Variants in RBMS3 observed in about 807,000 individuals in gnomAD.
RBMS3 encodes the protein RNA-binding motif, single-stranded-interacting protein 3.
In RBMS3, 27 loss-of-function variants were observed where a neutral mutation model predicts 66.8. The ratio of observed to expected loss-of-function variants is 0.40; its 90% confidence interval spans 0.30 to 0.56. RBMS3 has a LOEUF of 0.56. Among genes scored for constraint, RBMS3 ranks in the 20% least tolerant of loss-of-function variants. The probability of loss-of-function intolerance (pLI) is 0.40; values close to 1 mark genes in which losing one functional copy is unlikely to be tolerated. For missense variants in RBMS3, 513 were observed against 549.5 expected, an observed-to-expected ratio of 0.93 and a Z score of 0.66; for synonymous variants, 188 against 183.0, an observed-to-expected ratio of 1.03 and a Z score of -0.22.
At chr3:29,451,153 T>C (rs970515124) in intron 2 of RBMS3, among the ~76,000 whole-genome samples, 18 of 152,200 alleles carry the variant, frequency 1.2e-4, no homozygotes, top group African/African-American at 4.3e-4. Context: ...CTTATACTCT[T>C]ATCAATTTCA....
chr3:29,982,838 A>G (rs1400518562), intron 12 of RBMS3, among the ~76,000 whole-genome samples: 7 of 152,122 alleles, frequency 4.6e-5, no homozygotes, highest in African/African-American at 1.7e-4. Flanking sequence ...TATGTGGTCA[A>G]TTTTAGAGTA....
chr3:29,836,781 C>CTATATATATA (rs34553455), intron 6 of RBMS3, among the ~76,000 whole-genome samples: 11 of 145,970 alleles, frequency 7.5e-5, no homozygotes, highest in Admixed American at 3.5e-4. Flanking sequence ...AACCATTTCA[C>CTATATATATA]TATATATATA....
intron 1 of RBMS3, among the ~76,000 whole-genome samples, chr3:29,371,044 T>A (rs2038171928): frequency 6.6e-6 from 1 of 152,220 alleles, no homozygotes; most frequent in Non-Finnish European, 1.5e-5. Flanking sequence ...TTTTAAGCGA[T>A]CTTTGTTTGC....
intron 4 of RBMS3, among the ~76,000 whole-genome samples, chr3:29,703,299 T>C (rs1420196407): frequency 1.3e-5 from 2 of 152,250 alleles, no homozygotes; most frequent in Non-Finnish European, 2.9e-5. Context: ...ATAAACCTTT[T>C]GCTTGAAGTT....
intron 2 of RBMS3, among the ~76,000 whole-genome samples, chr3:29,486,132 A>T (rs950355460): frequency 6.6e-6 from 1 of 152,166 alleles, no homozygotes; most frequent in Admixed American, 6.5e-5. Flanking sequence ...TTTAAAAAAA[A>T]TCTAAACCTT....
intron 1 of RBMS3, among the ~76,000 whole-genome samples, chr3:29,311,339 G>A (rs9875819): frequency 0.21 from 31,097 of 151,546 alleles, 3,952 homozygotes; most frequent in East Asian, 0.36. Context: ...ATCTAATAAC[G>A]GTTTCTGTAC....
Position 30,007,084 on chromosome 3 carries a change from T to C in RBMS3, c.*3222T>C, listed in dbSNP as rs1281053346. The C allele has an allele frequency of 6.6e-6, 1 of 152,016 alleles. No individual in the cohort carries two copies. The highest frequency in any genetic ancestry group is 2.1e-4 in the South Asian group (1 of 4,834). 9.4% of individuals were successfully genotyped at this position (152,016 alleles called of 1,614,324 possible). The stretch of plus-strand genomic sequence containing the variant: ...CAACGGCACATACTCAAATTTGCCC[T>C]GCTTTGTCTGTTGTCTTACCTAAGA... On this transcript the variant is annotated 3_prime_UTR_variant, in exon 15 of 15. Transcript: ENST00000383767.
chr3:29,837,702 A>ATATATC (rs2058558871), intron 6 of RBMS3, among the ~76,000 whole-genome samples: 1 of 115,994 alleles, frequency 8.6e-6, no homozygotes, highest in Non-Finnish European at 1.8e-5. Context: ...ATATATATAT[A>ATATATC]TATATGCTTA....
chr3:29,287,869 G>A (rs1049180315), intron 1 of RBMS3, among the ~76,000 whole-genome samples: 3 of 151,940 alleles, frequency 2.0e-5, no homozygotes, highest in Non-Finnish European at 4.4e-5. Flanking sequence ...AAGAAAAAGA[G>A]AGTGGCAGAC....
intron 12 of RBMS3, among the ~76,000 whole-genome samples, chr3:29,945,284 C>A (rs993721233): frequency 2.0e-5 from 3 of 151,560 alleles, no homozygotes; most frequent in Admixed American, 2.0e-4. Context: ...TTTTGGCCAC[C>A]CGTTTGCTTG....
intron 4 of RBMS3, among the ~76,000 whole-genome samples, chr3:29,731,591 C>T (rs1310901046): frequency 6.6e-6 from 1 of 152,038 alleles, no homozygotes; most frequent in Non-Finnish European, 1.5e-5. Context: ...AATGCCTTAC[C>T]TTGGATGTTT....
intron 12 of RBMS3, among the ~76,000 whole-genome samples, chr3:29,950,703 T>C (rs929605396): frequency 3.3e-5 from 5 of 151,860 alleles, no homozygotes; most frequent in Non-Finnish European, 5.9e-5. Context: ...CCTATTGAAA[T>C]GTTTTCTCTC....
intron 12 of RBMS3, among the ~76,000 whole-genome samples, chr3:29,944,910 T>C (rs1462242129): frequency 6.6e-6 from 1 of 151,764 alleles, no homozygotes; most frequent in Non-Finnish European, 1.5e-5. Context: ...TTCAGTTGTT[T>C]CATAAAATTT....
chr3:29,628,665 A>G (rs1462290827), intron 4 of RBMS3, among the ~76,000 whole-genome samples: 1 of 148,102 alleles, frequency 6.8e-6, no homozygotes, highest in Non-Finnish European at 1.5e-5. Flanking sequence ...TCATATGTTC[A>G]TCATTATTTC....
intron 3 of RBMS3, among the ~76,000 whole-genome samples, chr3:29,505,863 C>A (rs1012727372): frequency 2.6e-5 from 4 of 151,338 alleles, no homozygotes; most frequent in Non-Finnish European, 5.9e-5. Context: ...TTAAAAATTG[C>A]ATTTTTGGCT....
chr3:29,824,497 A>G (rs553278349), intron 6 of RBMS3, among the ~76,000 whole-genome samples: 1 of 152,324 alleles, frequency 6.6e-6, no homozygotes, highest in African/African-American at 2.4e-5. Flanking sequence ...AAAAATACAA[A>G]TCAGATCACA....
At chr3:29,321,193 G>A (rs2034989987) in intron 1 of RBMS3, among the ~76,000 whole-genome samples, 1 of 151,852 alleles carries the variant, frequency 6.6e-6, no homozygotes, top group Non-Finnish European at 1.5e-5. Flanking sequence ...CTAGACATGG[G>A]TTTTCCAAAC....
chr3:29,993,111 G>T (rs1698990539), intron 14 of RBMS3, among the ~76,000 whole-genome samples: 1 of 149,746 alleles, frequency 6.7e-6, no homozygotes, highest in Non-Finnish European at 1.5e-5. Context: ...CTCAGAATAT[G>T]ACTTAAACTT....
intron 6 of RBMS3, among the ~76,000 whole-genome samples, chr3:29,812,391 C>T (rs10514681): frequency 0.024 from 3,663 of 152,204 alleles, 72 homozygotes; most frequent in East Asian, 0.14. Flanking sequence ...AAGAGACCGT[C>T]ATTGAGTGCT....
Sources: allele counts gnomAD v4.1 joint callset (sites outside exome capture counted in the v4.1 genomes callset), GRCh38; gene constraint gnomAD v4.1.1; transcripts MANE v1.5; gene names NCBI Gene and HGNC (gene_info 2026-07-23, HGNC 2026-07-21).